Variants in SEMA6A observed in about 807,000 individuals in gnomAD.
SEMA6A encodes the protein semaphorin 6A.
A neutral mutation model predicts 96.8 loss-of-function variants in SEMA6A; 25 were observed. That is an observed-to-expected ratio of 0.26 (90% confidence interval 0.19 to 0.36). The LOEUF is 0.36. SEMA6A is among the 10% of genes least tolerant of loss of function. The probability of loss-of-function intolerance (pLI) is 1.00; values close to 1 mark genes in which losing one functional copy is unlikely to be tolerated. For synonymous variants in SEMA6A, 612 were observed against 518.0 expected, an observed-to-expected ratio of 1.18 and a Z score of -2.46; for missense variants, 1,363 against 1,323.1, an observed-to-expected ratio of 1.03 and a Z score of -0.47.
intron 17 of SEMA6A, chr5:116,469,463 T>A (rs1303824098): frequency 6.6e-6 from 1 of 152,142 alleles, no homozygotes; most frequent in Non-Finnish European, 1.5e-5. Context: ...TTTCCACTCC[T>A]GAATTCAAGA....
At chr5:116,557,685 C>A (rs1222565339) in intron 1 of SEMA6A, among the ~76,000 whole-genome samples, 1 of 152,060 alleles carries the variant, frequency 6.6e-6, no homozygotes, top group Non-Finnish European at 1.5e-5. Context: ...GTGTTTTTTC[C>A]AGTGCTGTCT....
intron 1 of SEMA6A, among the ~76,000 whole-genome samples, chr5:116,542,901 G>A (rs1760033622): frequency 6.6e-6 from 1 of 152,150 alleles, no homozygotes; most frequent in African/African-American, 2.4e-5. Flanking sequence ...TACTTCAGCA[G>A]CACTTGAACC....
intron 1 of SEMA6A, among the ~76,000 whole-genome samples, chr5:116,518,218 T>C (rs1159510662): frequency 6.6e-6 from 1 of 152,126 alleles, no homozygotes; most frequent in Non-Finnish European, 1.5e-5. Flanking sequence ...CTCTCTGAGG[T>C]GCCCTCCACT....
chr5:116,446,659 A>G lies in SEMA6A; in HGVS notation c.3047T>C (p.Phe1016Ser), dbSNP rs1316198888. The G allele has an allele frequency of 6.5e-7, 1 of 1,538,442 alleles. No individual in the cohort carries two copies. The highest frequency in any genetic ancestry group is 1.4e-5 in the African/African-American group (1 of 73,252). Residue 1016 changes from phenylalanine (F) to serine (S), a missense_variant, in exon 19 of 19, where the codon TTT (phenylalanine) becomes TCT (serine). Phe to Ser is a radical substitution (Grantham distance 155). Coordinates refer to ENST00000343348, the MANE Select transcript of SEMA6A (RefSeq NM_020796.5). ...LKPDVPPKPS[F>S]APLSTSMKPN... ...CTTCATGGATGTGGAAAGGGGAGCA[A>G]AGGATGGTTTGGGGGGTACGTCCGG... is the stretch of plus-strand genomic sequence containing the variant.
At chr5:116,563,316 C>T (rs1226825521) in intron 1 of SEMA6A, among the ~76,000 whole-genome samples, 3 of 152,142 alleles carry the variant, frequency 2.0e-5, no homozygotes, top group Admixed American at 6.6e-5. Context: ...GGAATGGTTC[C>T]TCTGAAGATT....
intron 1 of SEMA6A, among the ~76,000 whole-genome samples, chr5:116,572,214 C>G (rs988229756): frequency 2.6e-5 from 4 of 152,318 alleles, no homozygotes; most frequent in East Asian, 1.9e-4. Flanking sequence ...GTTGTGCGTA[C>G]AAGGGCGAGT....
At chr5:116,451,386 G>A (rs1392252041) in intron 18 of SEMA6A, among the ~76,000 whole-genome samples, 1 of 152,186 alleles carries the variant, frequency 6.6e-6, no homozygotes, top group Non-Finnish European at 1.5e-5. Flanking sequence ...TGTGCTTCCA[G>A]GTCCAAACTT....
In SEMA6A at chr5:116,536,090, T is replaced by A. The variant is rs6889297; in HGVS notation, c.-38-31108A>T. The stretch of plus-strand genomic sequence containing the variant: ...AATAATTTCCTTTGCATAGGAAAGT[T>A]CTTAGAATCATCAGTCATGAAAACA... On this transcript the variant is annotated intron_variant, in intron 1 of 18. Transcript: ENST00000343348. Among the ~76,000 whole-genome samples the A allele has an allele frequency of 3.7e-3, 568 of 152,286 alleles. 8 individuals are homozygous for A. The highest frequency in any genetic ancestry group is 0.013 in the African/African-American group (538 of 41,558).
intron 1 of SEMA6A, among the ~76,000 whole-genome samples, chr5:116,536,862 T>C (rs913915966): frequency 1.6e-5 from 2 of 123,494 alleles, no homozygotes; most frequent in African/African-American, 7.1e-5. Context: ...CCCGTGTGAT[T>C]TCTTAAAAAA....
intron 4 of SEMA6A, among the ~76,000 whole-genome samples, chr5:116,497,033 T>G (rs1280077787): frequency 6.6e-6 from 1 of 152,194 alleles, no homozygotes; most frequent in Non-Finnish European, 1.5e-5. Context: ...TTATGAAAAC[T>G]GATGTTTTCC....
At chr5:116,508,899 C>T (rs936185097) in intron 1 of SEMA6A, among the ~76,000 whole-genome samples, 1 of 152,216 alleles carries the variant, frequency 6.6e-6, no homozygotes, top group Admixed American at 6.5e-5. Flanking sequence ...AGGACATCAA[C>T]GTTGCTGCGT....
chr5:116,523,407 G>A (rs575767545), intron 1 of SEMA6A, among the ~76,000 whole-genome samples: 2 of 152,164 alleles, frequency 1.3e-5, no homozygotes, highest in East Asian at 1.9e-4. Flanking sequence ...TCCACCTCTC[G>A]GGTTCAAGCG....
At chr5:116,532,855 G>A (rs1351491299) in intron 1 of SEMA6A, among the ~76,000 whole-genome samples, 2 of 152,194 alleles carry the variant, frequency 1.3e-5, no homozygotes, top group East Asian at 3.8e-4. Context: ...TGCTCTGAAA[G>A]TGCCAGCTCT....
At chr5:116,447,996 G>T (rs1754363118) in intron 18 of SEMA6A, among the ~76,000 whole-genome samples, 185 bp from the exon 19 acceptor site, 1 of 152,108 alleles carries the variant, frequency 6.6e-6, no homozygotes, top group African/African-American at 2.4e-5. Context: ...CTCGTGTGCA[G>T]TATGTAAATG....
At chr5:116,512,009 G>T (rs1465407700) in intron 1 of SEMA6A, among the ~76,000 whole-genome samples, 1 of 152,204 alleles carries the variant, frequency 6.6e-6, no homozygotes, top group East Asian at 1.9e-4. Context: ...TCCAGCTGGA[G>T]ACCTGCTTCA....
intron 1 of SEMA6A, among the ~76,000 whole-genome samples, chr5:116,512,004 C>T (rs1580457115): frequency 6.6e-6 from 1 of 152,316 alleles, no homozygotes; most frequent in East Asian, 1.9e-4. Context: ...GAATATCCAG[C>T]TGGAGACCTG....
chr5:116,531,080 T>G (rs1032363978), intron 1 of SEMA6A, among the ~76,000 whole-genome samples: 8 of 152,126 alleles, frequency 5.3e-5, no homozygotes, highest in African/African-American at 1.9e-4. Flanking sequence ...AAGTACTATG[T>G]GTATTGCCCC....
At chr5:116,562,880 C>T in intron 1 of SEMA6A, 1 of 626,870 alleles carries the variant, frequency 1.6e-6, no homozygotes, top group South Asian at 1.5e-5. Flanking sequence ...GACAAAGACT[C>T]CTGGACCTGG....
chr5:116,557,645 C>T (rs750693799), intron 1 of SEMA6A, among the ~76,000 whole-genome samples: 51 of 126,364 alleles, frequency 4.0e-4, no homozygotes, highest in Non-Finnish European at 7.9e-4. Flanking sequence ...CTTGGTATTC[C>T]GGATATGGCT....
Sources: gnomAD v4.1 joint callset for allele counts (sites outside exome capture counted in the v4.1 genomes callset) on GRCh38, gnomAD v4.1.1 for gene constraint, MANE v1.5 for transcripts, NCBI Gene and HGNC (gene_info 2026-07-23, HGNC 2026-07-21) for gene names.